The following ZDBF2 variants were observed in gnomAD, a reference collection of about 807,000 sequenced individuals.
ZDBF2 encodes the protein zinc finger DBF-type containing 2.
ZDBF2 carries 6 observed loss-of-function variants against 9.4 expected under a neutral mutation model. That is an observed-to-expected ratio of 0.64 (90% CI 0.35 to 1.27). The LOEUF is 1.27. Ranked by LOEUF, ZDBF2 falls within the 50% of genes most tolerant of loss-of-function variation. The pLI is 0.03. For synonymous variants in ZDBF2, 905 were observed against 946.3 expected, an observed-to-expected ratio of 0.96 and a Z score of 0.80; for missense variants, 2,697 against 2,766.8, an observed-to-expected ratio of 0.97 and a Z score of 0.57.
Position 206,309,124 on chromosome 2 carries a change from C to T in ZDBF2, c.4596C>T (p.Pro1532=), listed in dbSNP as rs376206414. The change falls in exon 5 of 5, where the codon CCC becomes CCT. Residue 1532 remains proline, a synonymous_variant. Coordinates refer to ENST00000374423, the MANE Select transcript of ZDBF2 (RefSeq NM_020923.3). ...LPKVVLVDLV[P]GDSDYEVISD... is the part of the protein sequence containing the mutation. The stretch of plus-strand genomic sequence containing the variant: ...AGGTGGTACTTGTGGATCTGGTGCC[C>T]GGTGATAGTGATTATGAAGTAATTT... 151 of 1,613,574 alleles carry T rather than the reference C, an allele frequency of 9.4e-5. No homozygotes were observed. The South Asian group carries it at 1.1e-3, about 12-fold the overall frequency.
At chr2:206,278,164 T>G (rs1375976270) in intron 1 of ZDBF2, among the ~76,000 whole-genome samples, 1 of 152,206 alleles carries the variant, frequency 6.6e-6, no homozygotes, top group Admixed American at 6.5e-5. Flanking sequence ...AGATTATGGC[T>G]GATTTTTATG....
chr2:206,295,141 A>G (rs1458883255), intron 3 of ZDBF2, among the ~76,000 whole-genome samples: 1 of 152,166 alleles, frequency 6.6e-6, no homozygotes, highest in East Asian at 1.9e-4. Flanking sequence ...GTTCTTTAAC[A>G]CCTTTACCGT....
In ZDBF2 at chr2:206,309,856, A is replaced by G. The variant is rs748840809; in HGVS notation, c.5328A>G (p.Val1776=). The change falls in exon 5 of 5, where the codon GTA becomes GTG. Residue 1776 remains valine, a synonymous_variant. Coordinates refer to ENST00000374423, the MANE Select transcript of ZDBF2 (RefSeq NM_020923.3). ...AGAAAAGACACCCTTGTAAGAAGGT[A>G]TCTTCTGACTTGAAAGAAAAGAACC... The part of the protein sequence containing the change: ...TVKKRHPCKK[V]SSDLKEKNHD... 3 of 1,613,998 alleles carry G rather than the reference A, an allele frequency of 1.9e-6. No homozygotes were observed. Among genetic ancestry groups the G allele is most frequent in the South Asian group, 2.2e-5 (2 of 91,068 alleles).
At position 206,310,593 on chromosome 2, in the gene ZDBF2, G is replaced by A. The variant is rs1395148874; in HGVS notation, c.6065G>A (p.Gly2022Asp). Residue 2022 changes from glycine (G) to aspartate (D), a missense_variant, in exon 5 of 5, where the codon GGT becomes GAT. By Grantham distance (94) the Gly-to-Asp change is moderately conservative. This residue lies in a region of ZDBF2 where 1,783 missense variants were observed against 1,776.5 expected (regional missense o/e 1.00). Coordinates refer to ENST00000374423, the MANE Select transcript of ZDBF2 (RefSeq NM_020923.3). ...TCTTTAAATATTAAACTGAAAGAGG[G>A]TGAAGGCCTTCCTTTCCCTAAAATG... ...LSSLNIKLKE[G>D]EGLPFPKMRH... 6.2e-7 allele frequency: 1 copy of A among 1,611,064 alleles called. No homozygotes were observed. Among genetic ancestry groups the A allele is most frequent in the Non-Finnish European group, 8.5e-7 (1 of 1,178,340 alleles).
intron 2 of ZDBF2, among the ~76,000 whole-genome samples, chr2:206,280,930 TAAC>T (rs1465286187): frequency 4.6e-5 from 7 of 152,204 alleles, no homozygotes; most frequent in African/African-American, 1.7e-4. Context: ...GTTTTCGGCT[TAAC>T]AAAGCAGCAA....
rs981809458 is a variant in ZDBF2, at chr2:206,308,047, T to C, written c.3519T>C (p.Asn1173=). Residue 1173 remains asparagine, a synonymous_variant, in exon 5 of 5, where the codon AAT becomes AAC. Coordinates refer to ENST00000374423, the MANE Select transcript of ZDBF2 (RefSeq NM_020923.3). ...DSGFLGQSIV[N]RPQITILEQE... is the part of the protein sequence containing the mutation. ...GTTTCTTGGGTCAGTCAATAGTCAA[T>C]CGACCTCAAATAACTATTTTGGAGC... is the stretch of plus-strand genomic sequence containing the variant. The C allele has an allele frequency of 3.7e-6, 6 of 1,613,940 alleles. No homozygotes were observed. The highest frequency in any genetic ancestry group is 5.1e-6 in the Non-Finnish European group (6 of 1,179,838).
chr2:206,284,250 C>T (rs903602847), intron 3 of ZDBF2, among the ~76,000 whole-genome samples: 2 of 151,938 alleles, frequency 1.3e-5, no homozygotes, highest in African/African-American at 4.8e-5. Flanking sequence ...AGAGCTCTCC[C>T]TGTGCTACCC....
At chr2:206,289,456 G>A (rs558234175) in intron 3 of ZDBF2, among the ~76,000 whole-genome samples, 24 of 145,130 alleles carry the variant, frequency 1.7e-4, no homozygotes, top group Non-Finnish European at 2.5e-4. Flanking sequence ...GGGGTGAGAG[G>A]AGAGGTGGGT....
intron 4 of ZDBF2, among the ~76,000 whole-genome samples, chr2:206,303,575 A>G (rs1574412557): frequency 1.3e-5 from 2 of 152,310 alleles, no homozygotes; most frequent in African/African-American, 2.4e-5. Flanking sequence ...GATTTTAGAT[A>G]TGAAAGTTTT....
intron 3 of ZDBF2, among the ~76,000 whole-genome samples, chr2:206,291,274 C>T (rs754225899): frequency 1.3e-5 from 2 of 152,122 alleles, no homozygotes; most frequent in African/African-American, 2.4e-5. Context: ...GCATTAGATT[C>T]TCAAAAGGAG....
rs374838989 is a variant in ZDBF2 at position 206,281,936 on chromosome 2, T to C, written c.60+27T>C. On this transcript the variant is annotated intron_variant, in intron 3 of 4. Transcript: ENST00000374423. ...TGAGCGGTTTCTATTAATATGATAA[T>C]ATCTCAAAGGACCTAGTTGTGACTT... 32 of 1,591,410 alleles carry C rather than the reference T, an allele frequency of 2.0e-5. No homozygotes were observed. In the African/African-American group the frequency reaches 3.4e-4, roughly 17 times the overall value.
At chr2:206,294,204 TA>T (rs1692047537) in intron 3 of ZDBF2, among the ~76,000 whole-genome samples, 1 of 152,146 alleles carries the variant, frequency 6.6e-6, no homozygotes. Flanking sequence ...AAAAGTTAGG[TA>T]ATAGTTACTT....
intron 3 of ZDBF2, among the ~76,000 whole-genome samples, chr2:206,294,380 A>C (rs55739749): frequency 0.36 from 55,133 of 152,128 alleles, 11,037 homozygotes; most frequent in Admixed American, 0.45. Context: ...AAAAAATCTA[A>C]AGGAACGGAT....
chr2:206,309,619 C>T lies in ZDBF2; in HGVS notation c.5091C>T (p.Gly1697=). ...ASLRKDPRNA[G]LKGKSCQSSA... ...TTCGGAAGGATCCAAGAAATGCTGG[C>T]CTAAAAGGTAAGAGCTGTCAGTCTA... The change falls in exon 5 of 5, where the codon GGC becomes GGT. Residue 1697 remains glycine (G), a synonymous_variant. Transcript: ENST00000374423. 6.2e-7 allele frequency: 1 copy of T among 1,613,756 alleles called. No individual in the cohort carries two copies. The highest frequency in any genetic ancestry group is 8.5e-7 in the Non-Finnish European group (1 of 1,179,840).
chr2:206,294,575 A>T (rs1692070877), intron 3 of ZDBF2, among the ~76,000 whole-genome samples: 1 of 152,166 alleles, frequency 6.6e-6, no homozygotes. Context: ...TTTGGGGTAC[A>T]AATGATCCCA....
chr2:206,288,975 G>A (rs1457774206), intron 3 of ZDBF2, among the ~76,000 whole-genome samples: 1 of 152,124 alleles, frequency 6.6e-6, no homozygotes, highest in Non-Finnish European at 1.5e-5. Context: ...GCAGGGAACA[G>A]TACAACAATG....
In ZDBF2 at chr2:206,307,127, C is replaced by G; in HGVS notation, c.2599C>G (p.Pro867Ala). 6.2e-7 allele frequency: 1 copy of G among 1,612,620 alleles called. No individual in the cohort carries two copies. Among genetic ancestry groups the G allele is most frequent in the African/African-American group, 1.3e-5 (1 of 74,934 alleles). ...TCACTTAGAAAGGAAGAATGATGAA[C>G]CCAGTGGTTCTGAAATAAGTTCGGA... ...YIHLERKNDE[P>A]SGSEISSDSH... The change falls in exon 5 of 5, where the codon CCC becomes GCC. Residue 867 changes from proline (P) to alanine (A), a missense_variant. By Grantham distance (27) the Pro-to-Ala change is conservative (BLOSUM62 -1). This residue lies in a region of ZDBF2 where 1,783 missense variants were observed against 1,776.5 expected (regional missense o/e 1.00). Transcript: ENST00000374423.
At chr2:206,275,919 G>C (rs988971320) in intron 1 of ZDBF2, among the ~76,000 whole-genome samples, 2 of 152,194 alleles carry the variant, frequency 1.3e-5, no homozygotes, top group African/African-American at 2.4e-5. Context: ...AGGCAAGAAA[G>C]CAACTCGTTA....
At position 206,307,113 on chromosome 2, in the gene ZDBF2, G is replaced by A. The variant is rs749384963; in HGVS notation, c.2585G>A (p.Arg862Lys). 6.2e-7 allele frequency: 1 copy of A among 1,611,906 alleles called. No homozygotes were observed. Among genetic ancestry groups the A allele is most frequent in the African/African-American group, 1.3e-5 (1 of 74,780 alleles). Residue 862 changes from arginine (R) to lysine (K), a missense_variant, in exon 5 of 5, where the codon AGG (arginine) becomes AAG (lysine). Around this residue, in one of 3 missense-constraint regions of ZDBF2, gnomAD observed 1,783 missense variants for 1,776.5 expected, o/e 1.00. Transcript: ENST00000374423. Reference sequence around the variant, plus strand: ...AAAGAAGAGTACATTCACTTAGAAAGGAAGAATGATGAACCCAGTGGTTCT... The same window carrying A: ...AAAGAAGAGTACATTCACTTAGAAAAGAAGAATGATGAACCCAGTGGTTCT... ...IQKEEYIHLE[R>K]KNDEPSGSEI...
Sources: gnomAD v4.1 joint callset for allele counts (sites outside exome capture counted in the v4.1 genomes callset) on GRCh38, gnomAD v4.1.1 for gene constraint, gnomAD v4.1.1 regional missense constraint, MANE v1.5 for transcripts, NCBI Gene and HGNC (gene_info 2026-07-23, HGNC 2026-07-21) for gene names.